WDR86: variants seen among roughly 807,000 people sequenced by gnomAD.
WDR86 encodes the protein WD repeat domain 86, also known as WD repeat-containing protein 86.
WDR86 carries 30 observed loss-of-function variants against 36.5 expected under a neutral mutation model. The observed-to-expected ratio is 0.82, with a 90% CI of 0.61 to 1.11. The LOEUF is 1.11. Among genes scored for constraint, WDR86 ranks in the 50% most tolerant of loss-of-function variants. WDR86 has a pLI of 0.00. For synonymous variants in WDR86, 255 were observed against 252.9 expected, an observed-to-expected ratio of 1.01 and a Z score of -0.08; for missense variants, 545 against 561.2, an observed-to-expected ratio of 0.97 and a Z score of 0.29.
chr7:151,385,326 G>A (rs942388643), intron 3 of WDR86, 103 bp from the exon 4 acceptor site: 3 of 1,532,852 alleles, frequency 2.0e-6, no homozygotes, highest in Non-Finnish European at 2.6e-6. Context: ...TCTCAGTGGT[G>A]AAACCATGGG....
chr7:151,399,728 A>G (rs566100368), intron 2 of WDR86, among the ~76,000 whole-genome samples: 77 of 152,256 alleles, frequency 5.1e-4, no homozygotes, highest in African/African-American at 1.7e-3. Context: ...CCTCCTGCAA[A>G]CCTTTGGTCC....
chr7:151,374,190 G>A (rs976818975), downstream of WDR86: 26 of 1,573,064 alleles, frequency 1.7e-5, no homozygotes, highest in East Asian at 2.4e-5. Flanking sequence ...CTCCACGCAC[G>A]CGGCCCAGCA....
downstream of WDR86, among the ~76,000 whole-genome samples, chr7:151,371,295 C>T (rs1797944426): frequency 6.6e-6 from 1 of 152,124 alleles, no homozygotes; most frequent in African/African-American, 2.4e-5. Flanking sequence ...GGATAGGTCT[C>T]AGGGTTAGGT....
At chr7:151,386,479 C>T (rs1563047401) in intron 3 of WDR86, among the ~76,000 whole-genome samples, 1 of 152,150 alleles carries the variant, frequency 6.6e-6, no homozygotes, top group Non-Finnish European at 1.5e-5. Flanking sequence ...GCCCTGAAGT[C>T]CTGCTGGGGT....
At chr7:151,379,177 A>G (rs1325177622), downstream of WDR86, among the ~76,000 whole-genome samples, 1 of 152,220 alleles carries the variant, frequency 6.6e-6, no homozygotes, top group Non-Finnish European at 1.5e-5. Flanking sequence ...TGACATGTTC[A>G]TGGGCTGCCA....
intron 3 of WDR86, among the ~76,000 whole-genome samples, chr7:151,395,066 C>T (rs879194534): frequency 7.2e-5 from 11 of 152,210 alleles, no homozygotes; most frequent in South Asian, 2.1e-4. Context: ...GCAACGGAGA[C>T]GGGGCAGCAA....
At chr7:151,386,026 G>A (rs1457513896) in intron 3 of WDR86, among the ~76,000 whole-genome samples, 1 of 152,186 alleles carries the variant, frequency 6.6e-6, no homozygotes, top group Admixed American at 6.5e-5. Flanking sequence ...GTGACCTGGC[G>A]CGATGGCACA....
intron 1 of WDR86, among the ~76,000 whole-genome samples, chr7:151,408,070 G>A (rs1329872994): frequency 2.6e-5 from 4 of 152,048 alleles, no homozygotes; most frequent in African/African-American, 7.2e-5. Context: ...GTTTGGGGGG[G>A]ATGTGTGTTA....
At chr7:151,394,791 G>A (rs964186951) in intron 3 of WDR86, among the ~76,000 whole-genome samples, 7 of 152,198 alleles carry the variant, frequency 4.6e-5, no homozygotes, top group Non-Finnish European at 1.0e-4. Flanking sequence ...GGGACAATGC[G>A]TTCGAGGATT....
Position 151,406,196 on chromosome 7 carries a change from G to A in WDR86, c.163+3231C>T. Among the ~76,000 whole-genome samples, 1 of 152,164 alleles carries A rather than the reference G, an allele frequency of 6.6e-6. No homozygotes were observed. Among genetic ancestry groups the A allele is most frequent in the Non-Finnish European group, 1.5e-5 (1 of 68,032 alleles). ...ACAGGGAGGGGCTCCCCACACGCCG[G>A]TTCTGCAGCCCACTCTCCCTGGGGC... On this transcript the variant is annotated intron_variant, in intron 1 of 5. Coordinates refer to ENST00000334493, the MANE Select transcript of WDR86 (RefSeq NM_198285.3). The surrounding 1 kb of genome is among the most constrained non-coding windows in gnomAD (Gnocchi z 4.4).
chr7:151,396,927 G>A (rs1239373139), intron 2 of WDR86, among the ~76,000 whole-genome samples: 1 of 152,238 alleles, frequency 6.6e-6, no homozygotes, highest in Non-Finnish European at 1.5e-5. Context: ...TCCATTCAGT[G>A]CAACTGACCA....
downstream of WDR86, among the ~76,000 whole-genome samples, chr7:151,380,094 G>A (rs892397561): frequency 1.3e-4 from 20 of 152,206 alleles, no homozygotes; most frequent in Non-Finnish European, 2.1e-4. Context: ...AGTCTCACCC[G>A]GAGAACAGTG....
chr7:151,378,261 G>A (rs1271764341), downstream of WDR86: 2 of 152,304 alleles, frequency 1.3e-5, no homozygotes, highest in Non-Finnish European at 2.9e-5. Flanking sequence ...AGTGCCAGGT[G>A]CATCCAAGAC....
chr7:151,373,863 CA>C (rs1702782224), downstream of WDR86, among the ~76,000 whole-genome samples: 1 of 152,026 alleles, frequency 6.6e-6, no homozygotes, highest in African/African-American at 2.4e-5. Context: ...CTTCCTGCCC[CA>C]CGGGCATCTC....
chr7:151,395,508 C>CGG (rs1453891389), intron 3 of WDR86, among the ~76,000 whole-genome samples: 42 of 51,156 alleles, frequency 8.2e-4, no homozygotes, highest in Non-Finnish European at 1.6e-3. Flanking sequence ...CACACACACA[C>CGG]ACACACACAC....
Position 151,405,781 on chromosome 7 carries a change from G to A in WDR86, c.163+3646C>T, listed in dbSNP as rs4726024. Among the ~76,000 whole-genome samples the A allele has an allele frequency of 0.47, 70,683 of 151,956 alleles. 16,656 individuals are homozygous for A. The highest frequency in any genetic ancestry group is 0.56 in the East Asian group (2,885 of 5,130). The stretch of plus-strand genomic sequence containing the variant: ...GCTCTCCCGCCAGGCTTCACAGGGA[G>A]TCTCCTATGCCACCGGCTCCCAGCA... On this transcript the variant is annotated intron_variant, in intron 1 of 5. Transcript: ENST00000334493. The surrounding 1 kb of genome is among the most constrained non-coding windows in gnomAD (Gnocchi z 4.7).
Position 151,381,939 on chromosome 7 carries a change from G to C in WDR86, c.905C>G (p.Ala302Gly). 6.2e-7 allele frequency: 1 copy of C among 1,609,360 alleles called. No individual in the cohort carries two copies. The highest frequency in any genetic ancestry group is 1.1e-5 in the South Asian group (1 of 90,416). Reference sequence around the variant, plus strand: ...CACCCTCCGCAGCTCTCCAGACTGCGCGTCGAAGGCCCGGGCGCAAGCGTC... The same window carrying C: ...CACCCTCCGCAGCTCTCCAGACTGCCCGTCGAAGGCCCGGGCGCAAGCGTC... ...SGDACARAFD[A>G]QSGELRRVFR... The change falls in exon 5 of 6, where the codon GCG (alanine) becomes GGG (glycine). Residue 302 changes from alanine to glycine, a missense_variant. By Grantham distance (60) the Ala-to-Gly change is moderately conservative. Transcript: ENST00000334493. This position sits in a 1 kb window ranked among gnomAD's most constrained non-coding sequence, Gnocchi z 4.8.
chr7:151,391,560 T>C (rs1392202388), intron 3 of WDR86, among the ~76,000 whole-genome samples: 1 of 152,140 alleles, frequency 6.6e-6, no homozygotes, highest in East Asian at 1.9e-4. Flanking sequence ...GGCTGGATTC[T>C]GTTTCTCTGC....
chr7:151,375,016 G>A (rs1274777586), downstream of WDR86, among the ~76,000 whole-genome samples: 1 of 151,496 alleles, frequency 6.6e-6, no homozygotes, highest in Non-Finnish European at 1.5e-5. Flanking sequence ...CACGTGCTGG[G>A]GGCGGGGCTG....
Sources: gnomAD v4.1 joint callset for allele counts (sites outside exome capture counted in the v4.1 genomes callset) on GRCh38, gnomAD v4.1.1 for gene constraint, Gnocchi (gnomAD v3.1) non-coding constraint, MANE v1.5 for transcripts, NCBI Gene and HGNC (gene_info 2026-07-23, HGNC 2026-07-21) for gene names.